UBE2B: variants seen among roughly 807,000 people sequenced by gnomAD.
UBE2B encodes the protein ubiquitin-conjugating enzyme E2 B.
A neutral mutation model predicts 24.6 loss-of-function variants in UBE2B; 11 were observed. The observed-to-expected ratio is 0.45, with a 90% CI of 0.28 to 0.74. UBE2B has a LOEUF of 0.74. UBE2B is among the 30% of genes least tolerant of loss of function. The pLI, the probability that UBE2B is intolerant of heterozygous loss-of-function variation, is 0.13. For missense variants in UBE2B, 78 were observed against 185.6 expected (o/e 0.42, Z 3.37); for synonymous variants, 68 against 62.4 (o/e 1.09, Z -0.42).
rs758313159 is a variant in UBE2B, at chr5:134,371,647, C to A, written c.44+8C>A. 6 of 1,613,294 alleles carry A rather than the reference C, an allele frequency of 3.7e-6. No individual in the cohort carries two copies. Among genetic ancestry groups the A allele is most frequent in the Non-Finnish European group, 5.1e-6 (6 of 1,179,860 alleles). ...CATGCGGGATTTCAAGCGGTAAGGG[C>A]CTTCACCTTCGCCTAGATGACGGCC... On this transcript the variant is annotated splice_region_variant and intron_variant, in intron 1 of 5. Coordinates refer to ENST00000265339, the MANE Select transcript of UBE2B (RefSeq NM_003337.4).
At chr5:134,379,908 C>T (rs1758680689) in intron 3 of UBE2B, among the ~76,000 whole-genome samples, 2 of 151,952 alleles carry the variant, frequency 1.3e-5, no homozygotes, top group Admixed American at 6.6e-5. Context: ...AATGGGTTTG[C>T]AGTTTAACCT....
chr5:134,387,166 G>T (rs1015046030), intron 4 of UBE2B, among the ~76,000 whole-genome samples: 1 of 151,914 alleles, frequency 6.6e-6, no homozygotes. Context: ...CACCATGCTG[G>T]CCAGGCTGGT....
At chr5:134,374,525 T>A in intron 2 of UBE2B, 62 bp downstream of exon 2, 1 of 1,506,204 alleles carries the variant, frequency 6.6e-7, no homozygotes, top group South Asian at 1.2e-5. Context: ...AGTAAACATA[T>A]AACAACTGTC....
chr5:134,376,754 G>C (rs1758616569), intron 3 of UBE2B, 60 bp downstream of exon 3: 11 of 1,502,380 alleles, frequency 7.3e-6, no homozygotes, highest in South Asian at 5.1e-5. Context: ...GTAGAAAATT[G>C]TAACACCAAC....
chr5:134,379,972 A>G (rs963531580), intron 3 of UBE2B, among the ~76,000 whole-genome samples: 30 of 151,852 alleles, frequency 2.0e-4, no homozygotes, highest in African/African-American at 6.8e-4. Context: ...CTAGAGTGCA[A>G]TGGCGCGATC....
At chr5:134,386,881 A>C (rs752981217) in intron 4 of UBE2B, among the ~76,000 whole-genome samples, 3 of 150,996 alleles carry the variant, frequency 2.0e-5, no homozygotes, top group African/African-American at 7.3e-5. Context: ...TTGTGTTGCT[A>C]TTGCTTATAT....
In UBE2B at chr5:134,374,433, ACAT is replaced by A; in HGVS notation, c.99_101del (p.Ile33del). The A allele has an allele frequency of 6.4e-7, 1 of 1,557,104 alleles. No individual in the cohort carries two copies. Among genetic ancestry groups the A allele is most frequent in the Non-Finnish European group, 8.7e-7 (1 of 1,149,278 alleles). ...GTCAGTGGCGCACCATCTGAAAACA[ACAT>A]CATGCAGTGGAATGCAGTTATATTT... On this transcript the variant is annotated inframe_deletion, in exon 2 of 6. Coordinates refer to ENST00000265339, the MANE Select transcript of UBE2B (RefSeq NM_003337.4).
intron 4 of UBE2B, among the ~76,000 whole-genome samples, chr5:134,384,839 T>C (rs1214788280): frequency 6.6e-6 from 1 of 151,834 alleles, no homozygotes. Flanking sequence ...AGCAGTCAAC[T>C]CTGTTTGTCT....
At position 134,390,514 on chromosome 5, in the gene UBE2B, T is replaced by C. The variant is rs1758883568; in HGVS notation, c.*161T>C. The C allele has an allele frequency of 1.3e-6, 1 of 763,812 alleles. No homozygotes were observed. The highest frequency in any genetic ancestry group is 1.8e-5 in the African/African-American group (1 of 56,454). 47.3% of individuals were successfully genotyped at this position (763,812 alleles called of 1,614,324 possible). A position where few individuals can be genotyped will look rare whatever the true frequency, so the allele number is the denominator to read the frequency against. On this transcript the variant is annotated 3_prime_UTR_variant, in exon 6 of 6. Coordinates refer to ENST00000265339, the MANE Select transcript of UBE2B (RefSeq NM_003337.4). This position sits in a 1 kb window ranked among gnomAD's most constrained non-coding sequence, Gnocchi z 4.6. ...ACCTACAAAAGCTTGTGTATCTTGA[T>C]TAATGTACTTTTTATTGCATGGTGT...
chr5:134,380,909 G>T, intron 4 of UBE2B, 101 bp downstream of exon 4: 3 of 577,002 alleles, frequency 5.2e-6, no homozygotes, highest in East Asian at 4.2e-5. Flanking sequence ...GGGCTCACTT[G>T]TAGGTGTTGC....
chr5:134,388,082 G>GT (rs1758835419), intron 4 of UBE2B: 2 of 508,768 alleles, frequency 3.9e-6, no homozygotes, highest in Non-Finnish European at 7.1e-6. Flanking sequence ...CAGGACTGGC[G>GT]TGAGCCACCG....
rs1353385739 is a variant in UBE2B, at chr5:134,391,705, G to A, written c.*1352G>A. ...AGGCTGGGCCAGGTGGCTCCCACCT[G>A]TAGTCCCAGCACTTTGGGAGGCAAA... is the stretch of plus-strand genomic sequence containing the variant. On this transcript the variant is annotated 3_prime_UTR_variant, in exon 6 of 6. Transcript: ENST00000265339. 6.6e-6 allele frequency: 1 copy of A among 152,328 alleles called. No individual in the cohort carries two copies. The highest frequency in any genetic ancestry group is 1.9e-4 in the East Asian group (1 of 5,198). 9.4% of individuals were successfully genotyped at this position (152,328 alleles called of 1,614,324 possible). A position where few individuals can be genotyped will look rare whatever the true frequency, so the allele number is the denominator to read the frequency against.
At chr5:134,382,734 A>G (rs1295046437) in intron 4 of UBE2B, among the ~76,000 whole-genome samples, 1 of 151,564 alleles carries the variant, frequency 6.6e-6, no homozygotes, top group Non-Finnish European at 1.5e-5. Flanking sequence ...TGATTGTGCC[A>G]CCGCTCTCCA....
chr5:134,382,292 A>G (rs1758720947), intron 4 of UBE2B, among the ~76,000 whole-genome samples: 1 of 150,742 alleles, frequency 6.6e-6, no homozygotes, highest in African/African-American at 2.4e-5. Flanking sequence ...ATCCCTATAA[A>G]AAACAAAAAA....
At chr5:134,376,340 A>ATATATATATATAT (rs1206993709) in intron 2 of UBE2B, among the ~76,000 whole-genome samples, 98 of 5,894 alleles carry the variant, frequency 0.017, 6 homozygotes, top group Admixed American at 0.1. Flanking sequence ...AAAAAAAAAA[A>ATATATATATATAT]AAAAAAAAAT....
chr5:134,374,122 G>A (rs562677222), intron 1 of UBE2B, among the ~76,000 whole-genome samples: 1 of 152,270 alleles, frequency 6.6e-6, no homozygotes, highest in East Asian at 1.9e-4. Context: ...GTGTTCCTAT[G>A]CATCAATTCT....
In UBE2B at chr5:134,390,258, G is replaced by T; in HGVS notation, c.364G>T (p.Ala122Ser). 1.2e-6 allele frequency: 2 copies of T among 1,614,060 alleles called. No individual in the cohort carries two copies. The highest frequency in any genetic ancestry group is 1.7e-6 in the Non-Finnish European group (2 of 1,180,004). Residue 122 changes from alanine (A) to serine (S), a missense_variant, in exon 6 of 6, where the codon GCC (alanine) becomes TCC (serine). By Grantham distance (99) the Ala-to-Ser change is moderately conservative. Transcript: ENST00000265339. This position sits in a 1 kb window ranked among gnomAD's most constrained non-coding sequence, Gnocchi z 4.6. ...LLDEPNPNSP[A>S]NSQAAQLYQE... Reference sequence around the variant, plus strand: ...GGATGAACCGAATCCTAACAGTCCAGCCAATAGCCAGGCAGCACAGCTTTA... The same window carrying T: ...GGATGAACCGAATCCTAACAGTCCATCCAATAGCCAGGCAGCACAGCTTTA...
intron 4 of UBE2B, among the ~76,000 whole-genome samples, chr5:134,386,959 C>CTTTTTTT: frequency 7.5e-6 from 1 of 133,290 alleles, no homozygotes; most frequent in Non-Finnish European, 1.6e-5. Flanking sequence ...TAGTTTTTCA[C>CTTTTTTT]TTTTTTTTTT....
At chr5:134,373,546 A>G (rs1311758173) in intron 1 of UBE2B, among the ~76,000 whole-genome samples, 1 of 152,184 alleles carries the variant, frequency 6.6e-6, no homozygotes, top group Non-Finnish European at 1.5e-5. Flanking sequence ...GGTTTGTTAC[A>G]TATGTATACA....
Sources: gnomAD v4.1 joint callset for allele counts (sites outside exome capture counted in the v4.1 genomes callset) on GRCh38, gnomAD v4.1.1 for gene constraint, Gnocchi (gnomAD v3.1) non-coding constraint, MANE v1.5 for transcripts, NCBI Gene and HGNC (gene_info 2026-07-23, HGNC 2026-07-21) for gene names.